ARAP2: variants seen among roughly 807,000 people sequenced by gnomAD.
ARAP2 encodes ArfGAP with RhoGAP domain, ankyrin repeat and PH domain 2, also known as arf-GAP with Rho-GAP domain, ANK repeat and PH domain-containing protein 2.
Under a neutral mutation model 194.5 loss-of-function variants are expected in ARAP2, and 148 were observed. The observed-to-expected ratio is 0.76, with a 90% confidence interval of 0.67 to 0.87. The LOEUF (loss-of-function observed/expected upper bound fraction) is 0.87. Among genes scored for constraint, ARAP2 ranks in the 40% least tolerant of loss-of-function variants. The pLI, the probability that ARAP2 is intolerant of heterozygous loss-of-function variation, is 0.00. For synonymous variants in ARAP2, 695 were observed against 683.5 expected (o/e 1.02, Z -0.26); for missense variants, 2,128 against 1,989.7 (o/e 1.07, Z -1.32).
downstream of ARAP2, chr4:36,065,415 A>G: frequency 2.0e-6 from 1 of 504,322 alleles, no homozygotes; most frequent in South Asian, 1.5e-5. Context: ...CTCAGGGAAA[A>G]GAGCTCTGCA....
At chr4:36,157,505 TCTA>T (rs1732848239) in intron 15 of ARAP2, 1 of 152,288 alleles carries the variant, frequency 6.6e-6, no homozygotes, top group Admixed American at 6.5e-5. Context: ...GCTCGGCCAT[TCTA>T]CTGTCATCTG....
chr4:36,045,080 A>G (rs1721581172), intron 5 of ARAP2, among the ~76,000 whole-genome samples: 1 of 152,178 alleles, frequency 6.6e-6, no homozygotes, highest in Admixed American at 6.5e-5. Context: ...GAAACAATAT[A>G]TATTGCAGGT....
At chr4:36,041,751 T>G (rs978877682) in intron 5 of ARAP2, among the ~76,000 whole-genome samples, 1 of 152,122 alleles carries the variant, frequency 6.6e-6, no homozygotes, top group Non-Finnish European at 1.5e-5. Flanking sequence ...CTATTCAAAA[T>G]AGCAAAGATA....
intron 5 of ARAP2, among the ~76,000 whole-genome samples, chr4:36,045,168 T>C (rs760330441): frequency 9.9e-5 from 15 of 152,148 alleles, no homozygotes; most frequent in Non-Finnish European, 2.1e-4. Flanking sequence ...ACTATCATGG[T>C]ATCCAGCAAT....
intron 30 of ARAP2, among the ~76,000 whole-genome samples, chr4:36,081,583 C>T (rs1268133665): frequency 6.6e-6 from 1 of 152,068 alleles, no homozygotes; most frequent in African/African-American, 2.4e-5. Context: ...AGTTTTAAAG[C>T]AGGAGAGAAA....
At chr4:36,137,310 C>T (rs1404543958) in intron 19 of ARAP2, among the ~76,000 whole-genome samples, 1 of 151,694 alleles carries the variant, frequency 6.6e-6, no homozygotes, top group Non-Finnish European at 1.5e-5. Context: ...AGTTGAAATC[C>T]CAAAAACTAG....
Position 36,159,368 on chromosome 4 carries a change from A to T in ARAP2, c.2580T>A (p.Ser860Arg). 6.2e-7 allele frequency: 1 copy of T among 1,608,988 alleles called. No individual in the cohort carries two copies. The highest frequency in any genetic ancestry group is 8.5e-7 in the Non-Finnish European group (1 of 1,177,070). Residue 860 changes from serine (S) to arginine (R), a missense_variant, in exon 14 of 33, where the codon AGT becomes AGA. Physicochemically the swap from Ser to Arg is moderately radical, Grantham distance 110 (BLOSUM62 -1). Transcript: ENST00000303965. ...TATGGTAGAGAAATTCCATTTGCAG[A>T]CTTTGCCCAGCTTTCTTGGCTAGCA... ...PYLLAKKAGQ[S>R]LQMEFLYHNK... is the part of the protein sequence containing the mutation.
In ARAP2 at chr4:36,228,688, G is replaced by A. The variant is rs560091270; in HGVS notation, c.799C>T (p.Pro267Ser). 3.7e-6 allele frequency: 6 copies of A among 1,614,040 alleles called. No homozygotes were observed. The South Asian group carries it at 5.5e-5, about 15-fold the overall frequency. The change falls in exon 2 of 33, where the codon CCT becomes TCT. Residue 267 changes from proline (P) to serine (S), a missense_variant. Pro to Ser is a moderately conservative substitution (Grantham distance 74). Coordinates refer to ENST00000303965, the MANE Select transcript of ARAP2 (RefSeq NM_015230.4). ...LYVPSSPILA[P>S]VRSRSKLVSR... ...ACCAACTTGCTACGACTTCTCACAG[G>A]TGCTAGGATTGGTGATGATGGAACA...
intron 27 of ARAP2, among the ~76,000 whole-genome samples, chr4:36,106,167 G>T (rs1259503507): frequency 6.6e-6 from 1 of 151,834 alleles, no homozygotes; most frequent in African/African-American, 2.4e-5. Context: ...GGGGAGGGAG[G>T]GGAAATCATT....
intron 28 of ARAP2, among the ~76,000 whole-genome samples, chr4:36,085,256 C>T (rs1357648912): frequency 1.3e-5 from 2 of 151,958 alleles, no homozygotes; most frequent in Admixed American, 6.6e-5. Context: ...GGTTTCTTAA[C>T]GTTTGCTTAA....
In ARAP2 at chr4:36,040,549, G is replaced by C. The variant is rs540240401; in HGVS notation, n.607+5430C>G. ...AGTACTTTGGAATTCTCATTTTAGA[G>C]GTCTTTTACCTCCCTGGTTAGCTGT... On this transcript the variant is annotated intron_variant and non_coding_transcript_variant, in intron 5 of 12. Coordinates refer to the ARAP2 transcript ENST00000503225. Among the ~76,000 whole-genome samples the C allele has an allele frequency of 5.9e-5, 9 of 152,178 alleles. No individual in the cohort carries two copies. In the South Asian group the frequency reaches 1.2e-3, roughly 21 times the overall value.
chr4:36,210,010 T>C (rs947007559), intron 6 of ARAP2, among the ~76,000 whole-genome samples: 2 of 152,200 alleles, frequency 1.3e-5, no homozygotes, highest in Non-Finnish European at 2.9e-5. Flanking sequence ...ACTGTTATGA[T>C]ATGAGCAAAA....
At chr4:36,140,707 G>T (rs919664470) in intron 19 of ARAP2, among the ~76,000 whole-genome samples, 2 of 151,474 alleles carry the variant, frequency 1.3e-5, no homozygotes, top group Non-Finnish European at 3.0e-5. Flanking sequence ...CTAAACTTAG[G>T]GTGCTAATCT....
In ARAP2 at chr4:36,107,545, T is replaced by C. The variant is rs1384185821; in HGVS notation, c.4285+20A>G. 3 of 1,591,166 alleles carry C rather than the reference T, an allele frequency of 1.9e-6. No homozygotes were observed. The highest frequency in any genetic ancestry group is 1.1e-5 in the South Asian group (1 of 87,218). On this transcript the variant is annotated intron_variant, in intron 27 of 32. Transcript: ENST00000303965. ...CTTGAATTTTCAATCATAGCTGCAA[T>C]GTGAAGTAATGACACCTACCACTGC...
intron 6 of ARAP2, among the ~76,000 whole-genome samples, chr4:36,207,607 A>C (rs1306062000): frequency 6.6e-6 from 1 of 152,188 alleles, no homozygotes; most frequent in Non-Finnish European, 1.5e-5. Context: ...ATGCGAAATA[A>C]GCTCAGATTG....
intron 15 of ARAP2, among the ~76,000 whole-genome samples, chr4:36,152,340 T>G (rs1363544423): frequency 6.6e-6 from 1 of 152,112 alleles, no homozygotes; most frequent in Non-Finnish European, 1.5e-5. Flanking sequence ...ATAAAAATCA[T>G]GAAAAGCCAC....
In ARAP2 at chr4:36,177,926, A is replaced by C. The variant is rs1034265786; in HGVS notation, c.1758T>G (p.Val586=). The change falls in exon 9 of 33, where the codon GTT becomes GTG. Residue 586 remains valine (V), a synonymous_variant. Coordinates refer to ENST00000303965, the MANE Select transcript of ARAP2 (RefSeq NM_015230.4). The stretch of plus-strand genomic sequence containing the variant: ...CAAGATATCCACATTTCTCAGGTGT[A>C]ACAACAGCTTGAGACTGCGAGGTAA... ...QSLTSQSQAV[V]TPEKCGYLEL... The C allele has an allele frequency of 3.7e-6, 6 of 1,613,574 alleles. No homozygotes were observed. Among genetic ancestry groups the C allele is most frequent in the Non-Finnish European group, 5.1e-6 (6 of 1,179,718 alleles).
At chr4:36,230,950 A>C (rs1751332172) in intron 1 of ARAP2, among the ~76,000 whole-genome samples, 1 of 152,196 alleles carries the variant, frequency 6.6e-6, no homozygotes, top group African/African-American at 2.4e-5. Flanking sequence ...CAGAGAAATA[A>C]AAATACAAAA....
rs551619461 is a variant in ARAP2, at chr4:36,056,504, G to A, written n.321+1466C>T. 1.1e-4 allele frequency among the ~76,000 whole-genome samples: 17 copies of A among 152,282 alleles called. No individual in the cohort carries two copies. The South Asian group carries it at 3.5e-3, about 32-fold the overall frequency. ...TTTTCTTTAGATTACTATCTGCAGA[G>A]TATATATCTTTTTCAAACTTTTACT... On this transcript the variant is annotated intron_variant and non_coding_transcript_variant, in intron 2 of 12. Transcript: ENST00000503225.
Sources: allele counts gnomAD v4.1 joint callset (sites outside exome capture counted in the v4.1 genomes callset), GRCh38; gene constraint gnomAD v4.1.1; transcripts MANE v1.5; gene names NCBI Gene and HGNC (gene_info 2026-07-23, HGNC 2026-07-21).